JPH3: variants seen among roughly 807,000 people sequenced by gnomAD.
The protein encoded by JPH3 is junctophilin 3.
JPH3 carries 11 observed loss-of-function variants against 59.6 expected under a neutral mutation model. The observed-to-expected ratio is 0.18, with a 90% confidence interval of 0.12 to 0.31. The LOEUF is 0.31. Among genes scored for constraint, JPH3 ranks in the 10% least tolerant of loss-of-function variants. The pLI, the probability that JPH3 is intolerant of heterozygous loss-of-function variation, is 1.00. For missense variants in JPH3, 1,202 were observed against 1,105.7 expected (o/e 1.09, Z -1.24); for synonymous variants, 673 against 483.6 (o/e 1.39, Z -5.14).
At chr16:87,607,284 G>C (rs577997121) in intron 1 of JPH3, among the ~76,000 whole-genome samples, 11 of 152,214 alleles carry the variant, frequency 7.2e-5, no homozygotes, top group African/African-American at 2.6e-4. Context: ...CGAATCGAAA[G>C]TTACCCCCTC....
At chr16:87,655,273 G>C (rs1469075325) in intron 2 of JPH3, among the ~76,000 whole-genome samples, 5 of 152,232 alleles carry the variant, frequency 3.3e-5, no homozygotes, top group Non-Finnish European at 2.9e-5. Context: ...CTCCCTGCGT[G>C]GCCACCAGGG....
At chr16:87,657,114 A>T (rs2032528475) in intron 2 of JPH3, among the ~76,000 whole-genome samples, 1 of 152,128 alleles carries the variant, frequency 6.6e-6, no homozygotes, top group Non-Finnish European at 1.5e-5. Flanking sequence ...AGCCTGGAGC[A>T]CCTGGTGTGT....
chr16:87,614,204 T>TC (rs1387581491), intron 1 of JPH3, among the ~76,000 whole-genome samples: 3 of 151,714 alleles, frequency 2.0e-5, no homozygotes, highest in African/African-American at 4.8e-5. Context: ...GAGCCGCGTG[T>TC]CCCCTCCCAG....
chr16:87,637,061 G>C (rs2031774650), intron 1 of JPH3, among the ~76,000 whole-genome samples: 1 of 152,194 alleles, frequency 6.6e-6, no homozygotes, highest in African/African-American at 2.4e-5. Context: ...CTGGGTCCCT[G>C]ACTGTGTTCT....
At chr16:87,637,705 G>T (rs2031803150) in intron 1 of JPH3, among the ~76,000 whole-genome samples, 1 of 149,536 alleles carries the variant, frequency 6.7e-6, no homozygotes, top group South Asian at 2.1e-4. Context: ...ATGCTTGAAG[G>T]CCATTCCGCC....
At chr16:87,623,244 G>A (rs912340132) in intron 1 of JPH3, among the ~76,000 whole-genome samples, 1 of 152,208 alleles carries the variant, frequency 6.6e-6, no homozygotes, top group East Asian at 1.9e-4. Flanking sequence ...CCTCCCCCAA[G>A]GCCTGGCTGA....
chr16:87,661,316 A>G (rs1249042249), intron 2 of JPH3, among the ~76,000 whole-genome samples: 1 of 152,210 alleles, frequency 6.6e-6, no homozygotes, highest in Non-Finnish European at 1.5e-5. Context: ...CATATCTGCA[A>G]AGTCCCTTTT....
chr16:87,685,090 C>A (rs1366521), intron 3 of JPH3, among the ~76,000 whole-genome samples: 1 of 152,064 alleles, frequency 6.6e-6, no homozygotes, highest in East Asian at 1.9e-4. Context: ...TTGCTCGCAA[C>A]GCCTGCCACT....
intron 2 of JPH3, among the ~76,000 whole-genome samples, chr16:87,673,701 G>A (rs1309058333): frequency 6.6e-6 from 1 of 152,100 alleles, no homozygotes; most frequent in African/African-American, 2.4e-5. Context: ...TGAGGCGAGA[G>A]GATCACCTGA....
intron 3 of JPH3, 195 bp downstream of exon 3, chr16:87,684,461 A>G: frequency 1.3e-6 from 1 of 782,216 alleles, no homozygotes; most frequent in East Asian, 2.8e-5. Flanking sequence ...TCCCCGGGAC[A>G]CAGGACATGT....
chr16:87,625,829 G>A (rs960879808), intron 1 of JPH3, among the ~76,000 whole-genome samples: 1 of 152,032 alleles, frequency 6.6e-6, no homozygotes, highest in African/African-American at 2.4e-5. Flanking sequence ...GAACCGCAGC[G>A]GCTTGTAGAC....
At chr16:87,685,891 A>C (rs1038649380) in intron 3 of JPH3, among the ~76,000 whole-genome samples, 6 of 152,178 alleles carry the variant, frequency 3.9e-5, no homozygotes, top group African/African-American at 1.4e-4. Context: ...GAAGCTCCCA[A>C]CGTGACTTAT....
At chr16:87,645,334 G>A (rs2032110654) in intron 2 of JPH3, among the ~76,000 whole-genome samples, 1 of 152,228 alleles carries the variant, frequency 6.6e-6, no homozygotes, top group African/African-American at 2.4e-5. Context: ...TAAAATATTG[G>A]TGAATAAAGA....
At chr16:87,678,069 TAGTG>T (rs2033195094) in intron 2 of JPH3, among the ~76,000 whole-genome samples, 1 of 151,630 alleles carries the variant, frequency 6.6e-6, no homozygotes, top group Non-Finnish European at 1.5e-5. Context: ...CTGGGCAACA[TAGTG>T]AGACCCCATC....
chr16:87,688,397 T>A (rs1384867774), intron 3 of JPH3, among the ~76,000 whole-genome samples: 1 of 152,188 alleles, frequency 6.6e-6, no homozygotes, highest in Non-Finnish European at 1.5e-5. Context: ...AACGTCTCTT[T>A]ACAAACGGAG....
chr16:87,673,170 A>G (rs189136542), intron 2 of JPH3, among the ~76,000 whole-genome samples: 278 of 152,272 alleles, frequency 1.8e-3, no homozygotes, highest in Non-Finnish European at 2.9e-3. Flanking sequence ...GTTTAAATGT[A>G]AAACATAATA....
Position 87,690,361 on chromosome 16 carries a change from G to A in JPH3, c.2001G>A (p.Pro667=), listed in dbSNP as rs920485208. Residue 667 remains proline (P), a synonymous_variant, in exon 4 of 5, where the codon CCG becomes CCA. Transcript: ENST00000284262. ...SKAQNKENFR[P]ASSAEPAVQK... is the part of the protein sequence containing the mutation. ...CCCAGAACAAGGAGAACTTCAGGCC[G>A]GCCTCCTCCGCGGAGCCCGCCGTGC... 5.1e-6 allele frequency: 8 copies of A among 1,554,158 alleles called. No homozygotes were observed. Among genetic ancestry groups the A allele is most frequent in the African/African-American group, 1.4e-5 (1 of 72,622 alleles).
intron 2 of JPH3, among the ~76,000 whole-genome samples, chr16:87,677,183 TATACACACACACAC>T (rs1230398933): frequency 2.6e-5 from 2 of 75,900 alleles, no homozygotes; most frequent in Non-Finnish European, 5.2e-5. Context: ...ACTATATATA[TATACACACACACAC>T]ACACACACAC....
intron 1 of JPH3, among the ~76,000 whole-genome samples, chr16:87,618,855 G>A (rs199865758): frequency 6.6e-5 from 10 of 152,188 alleles, no homozygotes; most frequent in Non-Finnish European, 8.8e-5. Context: ...TTGGGAGGCC[G>A]AGGTGGGCAG....
Sources: allele counts gnomAD v4.1 joint callset (sites outside exome capture counted in the v4.1 genomes callset), GRCh38; gene constraint gnomAD v4.1.1; transcripts MANE v1.5; gene names NCBI Gene and HGNC (gene_info 2026-07-23, HGNC 2026-07-21).